MCPH1: variants seen among roughly 807,000 people sequenced by gnomAD.
MCPH1 encodes microcephalin.
Under a neutral mutation model 84.5 loss-of-function variants are expected in MCPH1, and 104 were observed. That is an observed-to-expected ratio of 1.23 (90% CI 1.05 to 1.45). MCPH1 has a LOEUF of 1.45. MCPH1 is among the 40% of genes most tolerant of loss of function. The pLI is 0.00. For missense variants in MCPH1, 1,498 were observed against 1,005.7 expected, an observed-to-expected ratio of 1.49 and a Z score of -6.62; for synonymous variants, 514 against 366.8, an observed-to-expected ratio of 1.40 and a Z score of -4.58.
chr8:6,549,629 A>G (rs970429510), intron 12 of MCPH1, among the ~76,000 whole-genome samples: 1 of 151,394 alleles, frequency 6.6e-6, no homozygotes, highest in African/African-American at 2.4e-5. Flanking sequence ...ACAGGTGCGC[A>G]CAGATACAGA....
intron 13 of MCPH1, chr8:6,625,138 G>C (rs1177110319): frequency 4.2e-6 from 4 of 961,086 alleles, no homozygotes; most frequent in Non-Finnish European, 2.5e-6. Flanking sequence ...GCCTCCCAAA[G>C]TGCTGGGATT....
chr8:6,517,437 G>A (rs1020817472), intron 12 of MCPH1, among the ~76,000 whole-genome samples: 1 of 152,220 alleles, frequency 6.6e-6, no homozygotes, highest in African/African-American at 2.4e-5. Context: ...TTTGATAAAT[G>A]CCATCTTGCA....
chr8:6,502,235 G>A (rs1194741646), intron 12 of MCPH1: 1 of 151,926 alleles, frequency 6.6e-6, no homozygotes, highest in East Asian at 1.9e-4. Flanking sequence ...GGCACAATTA[G>A]GTCTTTTGGA....
At chr8:6,452,284 G>A (rs1363652341) in intron 8 of MCPH1, among the ~76,000 whole-genome samples, 1 of 152,230 alleles carries the variant, frequency 6.6e-6, no homozygotes, top group African/African-American at 2.4e-5. Context: ...CACACTGAGA[G>A]GTGAGTGAGT....
At chr8:6,424,594 C>A (rs7008227) in intron 3 of MCPH1, among the ~76,000 whole-genome samples, 1 of 152,134 alleles carries the variant, frequency 6.6e-6, no homozygotes, top group South Asian at 2.1e-4. Flanking sequence ...TTTAAGGTCA[C>A]TGACCAGTGA....
At position 6,646,854 on chromosome 8, in the gene MCPH1, G is replaced by C. The variant is rs1170179673; in HGVS notation, c.*3805G>C. 6.6e-6 allele frequency: 1 copy of C among 152,048 alleles called. No homozygotes were observed. Among genetic ancestry groups the C allele is most frequent in the Non-Finnish European group, 1.5e-5 (1 of 68,010 alleles). 9.4% of individuals were successfully genotyped at this position (152,048 alleles called of 1,614,324 possible). On this transcript the variant is annotated 3_prime_UTR_variant, in exon 14 of 14. Transcript: ENST00000344683. ...ATTGACCTAATGTAAAAAATAAAAT[G>C]TACAGAAGAAAGCATAGCAGGAAAT... is the stretch of plus-strand genomic sequence containing the variant.
intron 12 of MCPH1, among the ~76,000 whole-genome samples, chr8:6,515,327 T>G (rs1202828169): frequency 6.6e-6 from 1 of 152,200 alleles, no homozygotes; most frequent in Non-Finnish European, 1.5e-5. Context: ...TGTGCAATAC[T>G]AATCAGATTT....
intron 1 of MCPH1, among the ~76,000 whole-genome samples, chr8:6,408,807 A>G (rs1359820026): frequency 6.6e-6 from 1 of 151,978 alleles, no homozygotes; most frequent in African/African-American, 2.4e-5. Context: ...AAGTGATCCC[A>G]CTGCCTTGGC....
chr8:6,586,768 G>A (rs1174550424), intron 12 of MCPH1, among the ~76,000 whole-genome samples: 1 of 152,218 alleles, frequency 6.6e-6, no homozygotes, highest in Admixed American at 6.5e-5. Context: ...CTGTGGGCAA[G>A]TTTTGGTGAG....
chr8:6,574,062 A>G (rs1826870379), intron 12 of MCPH1, among the ~76,000 whole-genome samples: 2 of 152,248 alleles, frequency 1.3e-5, no homozygotes, highest in African/African-American at 4.8e-5. Context: ...AACACACAAG[A>G]AAACATAGTG....
intron 12 of MCPH1, 140 bp downstream of exon 12, chr8:6,500,069 C>A: frequency 1.4e-6 from 1 of 723,018 alleles, no homozygotes; most frequent in Non-Finnish European, 2.5e-6. Context: ...CAGAACTTAA[C>A]ACCTTTTATC....
chr8:6,473,889 G>C, intron 9 of MCPH1: 3 of 1,528,788 alleles, frequency 2.0e-6, no homozygotes, highest in Non-Finnish European at 2.6e-6. Context: ...TTCAAGATCT[G>C]ATCTACATTA....
At chr8:6,540,626 C>T (rs1397556870) in intron 12 of MCPH1, among the ~76,000 whole-genome samples, 1 of 152,226 alleles carries the variant, frequency 6.6e-6, no homozygotes, top group Non-Finnish European at 1.5e-5. Flanking sequence ...ATATACACAG[C>T]AAGAATAGTT....
chr8:6,532,569 A>G (rs1279121744), intron 12 of MCPH1: 5 of 794,440 alleles, frequency 6.3e-6, no homozygotes, highest in Non-Finnish European at 8.5e-6. Context: ...TCTCCTCCCT[A>G]TCTTTAAAAA....
intron 12 of MCPH1, among the ~76,000 whole-genome samples, chr8:6,583,808 G>A (rs1477517284): frequency 1.4e-5 from 2 of 147,460 alleles, no homozygotes; most frequent in African/African-American, 2.5e-5. Context: ...TCATGGTCTC[G>A]GAGTCTTTTT....
At chr8:6,531,261 G>C (rs10503371) in intron 12 of MCPH1, among the ~76,000 whole-genome samples, 74,692 of 150,290 alleles carry the variant, frequency 0.5, 19,608 homozygotes, top group Non-Finnish European at 0.59. Flanking sequence ...CTATTTTGCT[G>C]TTATTTTACT....
intron 12 of MCPH1, among the ~76,000 whole-genome samples, chr8:6,614,897 C>A (rs7017968): frequency 6.6e-6 from 1 of 151,462 alleles, no homozygotes; most frequent in Non-Finnish European, 1.5e-5. Flanking sequence ...CCACCCTACT[C>A]CATCCCTTTT....
chr8:6,614,072 C>T (rs1027295820), intron 12 of MCPH1, among the ~76,000 whole-genome samples: 1 of 152,090 alleles, frequency 6.6e-6, no homozygotes, highest in African/African-American at 2.4e-5. Context: ...TTGATGGGCT[C>T]AGTGCAGGCC....
At chr8:6,408,336 A>G (rs1301722968) in intron 1 of MCPH1, among the ~76,000 whole-genome samples, 4 of 151,862 alleles carry the variant, frequency 2.6e-5, no homozygotes, top group African/African-American at 9.7e-5. Flanking sequence ...CTCCTGAGTA[A>G]CTTGGGACTA....
Sources: gnomAD v4.1 joint callset for allele counts (sites outside exome capture counted in the v4.1 genomes callset) on GRCh38, gnomAD v4.1.1 for gene constraint, MANE v1.5 for transcripts, NCBI Gene and HGNC (gene_info 2026-07-23, HGNC 2026-07-21) for gene names.